The following ANKRD27 variants were observed in gnomAD, a reference collection of about 807,000 sequenced individuals.
ANKRD27 encodes ankyrin repeat domain-containing protein 27.
ANKRD27 carries 112 observed loss-of-function variants against 129.7 expected under a neutral mutation model. The observed-to-expected ratio is 0.86, with a 90% confidence interval of 0.74 to 1.01. The LOEUF (loss-of-function observed/expected upper bound fraction) is 1.01, where lower values mean the gene tolerates loss of function less well. Among genes scored for constraint, ANKRD27 ranks in the 50% least tolerant of loss-of-function variants. The pLI, the probability that ANKRD27 is intolerant of heterozygous loss-of-function variation, is 0.00. For synonymous variants in ANKRD27, 516 were observed against 511.2 expected, an observed-to-expected ratio of 1.01 and a Z score of -0.13; for missense variants, 1,258 against 1,300.5, an observed-to-expected ratio of 0.97 and a Z score of 0.50.
intron 19 of ANKRD27, 28 bp downstream of exon 19, chr19:32,619,466 C>G: frequency 6.2e-7 from 1 of 1,614,040 alleles, no homozygotes; most frequent in Non-Finnish European, 8.5e-7. Flanking sequence ...TCCAAGGTAA[C>G]CTGACCTGCT....
Position 32,628,737 on chromosome 19 carries a change from T to C in ANKRD27, c.1322A>G (p.Glu441Gly), listed in dbSNP as rs748787706. Residue 441 changes from glutamate (E) to glycine (G), a missense_variant, in exon 14 of 29, where the codon GAG (glutamate) becomes GGG (glycine). Transcript: ENST00000306065. ...CHPLCFCDDCEKLVSGRLNDP... is the reference protein window; with the variant it reads ...CHPLCFCDDCGKLVSGRLNDP... ...ACCCTCTTACCCAGAGACGAGTTTC[T>C]CACAGTCATCGCAGAAGCAGAGAGG... 39 of 1,613,910 alleles carry C rather than the reference T, an allele frequency of 2.4e-5. No individual in the cohort carries two copies. Among genetic ancestry groups the C allele is most frequent in the Non-Finnish European group, 3.1e-5 (37 of 1,179,964 alleles).
chr19:32,626,878 C>T, intron 15 of ANKRD27, 51 bp from the exon 16 acceptor site: 1 of 1,289,638 alleles, frequency 7.8e-7, no homozygotes, highest in African/African-American at 1.5e-5. Context: ...AGAGGCCTTC[C>T]ACACCTTAAC....
chr19:32,604,143 C>T, intron 25 of ANKRD27, 120 bp downstream of exon 25: 2 of 1,210,026 alleles, frequency 1.7e-6, no homozygotes, highest in Non-Finnish European at 1.1e-6. Flanking sequence ...ACCAACTACG[C>T]CCAGCCCGGC....
At chr19:32,650,696 A>G (rs1355932845) in intron 2 of ANKRD27, among the ~76,000 whole-genome samples, 2 of 151,602 alleles carry the variant, frequency 1.3e-5, no homozygotes, top group Non-Finnish European at 2.9e-5. Context: ...AAAAAAAAAA[A>G]AAGAACACTT....
intron 9 of ANKRD27, 53 bp from the exon 10 acceptor site, chr19:32,642,198 T>C (rs1326408084): frequency 6.7e-7 from 1 of 1,487,606 alleles, no homozygotes; most frequent in Admixed American, 2.2e-5. Context: ...GAGAACCCTC[T>C]GGCCTGGATC....
At chr19:32,606,355 T>C (rs949114035) in intron 23 of ANKRD27, among the ~76,000 whole-genome samples, 3 of 152,066 alleles carry the variant, frequency 2.0e-5, no homozygotes, top group Non-Finnish European at 4.4e-5. Flanking sequence ...GGTTTCACCA[T>C]GTTGGCAGGG....
At chr19:32,631,746 T>C (rs576052246) in intron 12 of ANKRD27, among the ~76,000 whole-genome samples, 3 of 152,300 alleles carry the variant, frequency 2.0e-5, no homozygotes, top group South Asian at 4.1e-4. Context: ...ACTGCGTGTA[T>C]ATGTGGAATG....
Position 32,639,450 on chromosome 19 carries a change from C to T in ANKRD27, c.1022G>A (p.Ser341Asn). The T allele has an allele frequency of 6.2e-7, 1 of 1,613,896 alleles. No individual in the cohort carries two copies. Among genetic ancestry groups the T allele is most frequent in the South Asian group, 1.1e-5 (1 of 90,994 alleles). Reference sequence around the variant, plus strand: ...TCCCAGTTCATCCTTTGCCAAGCTGCTAAACCTGAAGTTTTTGATGTAACT... The same window carrying T: ...TCCCAGTTCATCCTTTGCCAAGCTGTTAAACCTGAAGTTTTTGATGTAACT... ...NLSYIKNFRF[S>N]SLAKDELGYC... is the part of the protein sequence containing the mutation. The change falls in exon 12 of 29, where the codon AGC becomes AAC. Residue 341 changes from serine (S) to asparagine (N), a missense_variant. Ser to Asn is a conservative substitution (Grantham distance 46). Transcript: ENST00000306065.
chr19:32,618,347 C>T (rs1971954061), intron 20 of ANKRD27, among the ~76,000 whole-genome samples: 1 of 151,178 alleles, frequency 6.6e-6, no homozygotes, highest in Non-Finnish European at 1.5e-5. Context: ...GGCCTGTAAT[C>T]CCAGCACTTT....
chr19:32,656,431 T>C (rs1452811501), intron 2 of ANKRD27, among the ~76,000 whole-genome samples: 1 of 152,166 alleles, frequency 6.6e-6, no homozygotes, highest in East Asian at 1.9e-4. Context: ...CCGTAATTAG[T>C]ATGCACTCGC....
At position 32,599,957 on chromosome 19, in the gene ANKRD27, G is replaced by A. The variant is rs760027460; in HGVS notation, c.2846+15C>T. The stretch of plus-strand genomic sequence containing the variant: ...GGGGCAAAAGCACAGAAATCAACTT[G>A]AGTTTCATACTCACTTAAACTGACC... On this transcript the variant is annotated intron_variant, in intron 27 of 28. Coordinates refer to ENST00000306065, the MANE Select transcript of ANKRD27 (RefSeq NM_032139.3). The A allele has an allele frequency of 6.2e-6, 10 of 1,604,656 alleles. No individual in the cohort carries two copies. The South Asian group carries it at 1.0e-4, about 16-fold the overall frequency.
At chr19:32,664,919 CA>C (rs35300883) in intron 1 of ANKRD27, among the ~76,000 whole-genome samples, 15,501 of 95,732 alleles carry the variant, frequency 0.16, 1,041 homozygotes, top group African/African-American at 0.36. Context: ...GACTCTGTCT[CA>C]AAAAAAAAAA....
intron 2 of ANKRD27, among the ~76,000 whole-genome samples, chr19:32,657,585 T>C (rs1001644768): frequency 1.3e-5 from 2 of 149,832 alleles, no homozygotes; most frequent in African/African-American, 2.5e-5. Flanking sequence ...ATTGCGCCAC[T>C]GCACTCCAGC....
intron 12 of ANKRD27, chr19:32,638,144 C>T (rs8110562): frequency 0.71 from 107,450 of 152,306 alleles, 38,572 homozygotes; most frequent in African/African-American, 0.84. Flanking sequence ...GGCTGTCAGT[C>T]CCAAGTGGAG....
In ANKRD27 at chr19:32,664,035, G is replaced by A. The variant is rs1186092193; in HGVS notation, c.-30-4990C>T. ...CCCGCCACTGCACTCCAGCCTGGGC[G>A]ACAGAGCGAGACTCTGTCTCAAAAA... On this transcript the variant is annotated intron_variant, in intron 1 of 28. Coordinates refer to ENST00000306065, the MANE Select transcript of ANKRD27 (RefSeq NM_032139.3). Among the ~76,000 whole-genome samples, 3 of 120,900 alleles carry A rather than the reference G, an allele frequency of 2.5e-5. No individual in the cohort carries two copies. The East Asian group carries it at 7.1e-4, about 29-fold the overall frequency. 79.3% of individuals were successfully genotyped at this position (120,900 alleles called of 152,430 possible).
chr19:32,649,407 C>T (rs768209727), intron 3 of ANKRD27, among the ~76,000 whole-genome samples: 13 of 152,040 alleles, frequency 8.6e-5, no homozygotes, highest in Non-Finnish European at 1.8e-4. Flanking sequence ...GGAGGTGTTC[C>T]AGCGACACAC....
At chr19:32,660,808 G>T (rs1012066585) in intron 1 of ANKRD27, among the ~76,000 whole-genome samples, 1 of 151,902 alleles carries the variant, frequency 6.6e-6, no homozygotes, top group Non-Finnish European at 1.5e-5. Context: ...AATTTCTTTC[G>T]GTTATGTAAA....
At chr19:32,629,758 A>G (rs933784910) in intron 13 of ANKRD27, among the ~76,000 whole-genome samples, 7 of 151,854 alleles carry the variant, frequency 4.6e-5, no homozygotes, top group African/African-American at 1.7e-4. Flanking sequence ...AGCAATAGGA[A>G]TGGCGGGCAG....
At position 32,607,703 on chromosome 19, in the gene ANKRD27, T is replaced by C. The variant is rs1568396819; in HGVS notation, c.2305A>G (p.Asn769Asp). ...TGGTCTGCGTTCCTGGCACCTGCGT[T>C]GGCCCCGTGCTTCAGCAGGAGGGGG... ...LIPLLLKHGANAGARNADQAV... is the reference protein window; with the variant it reads ...LIPLLLKHGADAGARNADQAV... The change falls in exon 23 of 29, where the codon AAC (asparagine) becomes GAC (aspartate). Residue 769 changes from asparagine to aspartate, a missense_variant. Physicochemically the swap from Asn to Asp is conservative, Grantham distance 23. Transcript: ENST00000306065. 3.2e-5 allele frequency: 51 copies of C among 1,612,926 alleles called. No homozygotes were observed. The highest frequency in any genetic ancestry group is 4.3e-5 in the Non-Finnish European group (51 of 1,179,740).
Sources: allele counts gnomAD v4.1 joint callset (sites outside exome capture counted in the v4.1 genomes callset), GRCh38; gene constraint gnomAD v4.1.1; transcripts MANE v1.5; gene names NCBI Gene and HGNC (gene_info 2026-07-23, HGNC 2026-07-21).